CDC14A: variants seen among roughly 807,000 people sequenced by gnomAD.
CDC14A encodes cell division cycle 14A, also known as dual specificity protein phosphatase CDC14A.
Under a neutral mutation model 74.4 loss-of-function variants are expected in CDC14A, and 53 were observed. The observed-to-expected ratio is 0.71, with a 90% confidence interval of 0.57 to 0.89. CDC14A has a LOEUF of 0.89. Among genes scored for constraint, CDC14A ranks in the 40% least tolerant of loss-of-function variants. The pLI, the probability that CDC14A is intolerant of heterozygous loss-of-function variation, is 0.00. For synonymous variants in CDC14A, 247 were observed against 258.4 expected, an observed-to-expected ratio of 0.96 and a Z score of 0.43; for missense variants, 646 against 713.7, an observed-to-expected ratio of 0.91 and a Z score of 1.08.
At chr1:100,451,247 C>T (rs1666116199) in intron 7 of CDC14A, among the ~76,000 whole-genome samples, 1 of 152,174 alleles carries the variant, frequency 6.6e-6, no homozygotes, top group South Asian at 2.1e-4. Context: ...TTTTTGCACC[C>T]TGCTGTTGTA....
intron 5 of CDC14A, among the ~76,000 whole-genome samples, chr1:100,437,771 T>C (rs1664504173): frequency 6.6e-6 from 1 of 152,104 alleles, no homozygotes; most frequent in Non-Finnish European, 1.5e-5. Flanking sequence ...GGCCTGGAAC[T>C]TTTTCTGGTA....
chr1:100,409,824 A>G (rs1325262594), intron 4 of CDC14A, among the ~76,000 whole-genome samples: 1 of 152,200 alleles, frequency 6.6e-6, no homozygotes, highest in Non-Finnish European at 1.5e-5. Flanking sequence ...TAACTCTCCT[A>G]ATAGTTATCA....
chr1:100,393,558 A>G (rs1314582702), intron 4 of CDC14A: 4 of 741,872 alleles, frequency 5.4e-6, no homozygotes, highest in African/African-American at 5.1e-5. Flanking sequence ...CAGGTATCTC[A>G]GGTAGTTCAT....
upstream of CDC14A, among the ~76,000 whole-genome samples, chr1:100,347,490 A>T (rs1650525149): frequency 6.6e-6 from 1 of 152,130 alleles, no homozygotes; most frequent in African/African-American, 2.4e-5. Context: ...GGCATTGGTG[A>T]TTTGTCTGAT....
At chr1:100,513,741 T>C (rs984138470) in intron 15 of CDC14A, among the ~76,000 whole-genome samples, 2 of 152,144 alleles carry the variant, frequency 1.3e-5, no homozygotes, top group African/African-American at 2.4e-5. Flanking sequence ...ACCTCCAGAA[T>C]AGCTAAAATT....
At chr1:100,364,138 T>A (rs1010329901) in intron 2 of CDC14A, among the ~76,000 whole-genome samples, 30 of 152,080 alleles carry the variant, frequency 2.0e-4, no homozygotes, top group Admixed American at 6.6e-4. Flanking sequence ...AAAAAAAAAA[T>A]TTATTGATCA....
At chr1:100,460,565 C>T (rs923221346) in intron 8 of CDC14A, among the ~76,000 whole-genome samples, 1 of 152,170 alleles carries the variant, frequency 6.6e-6, no homozygotes, top group Admixed American at 6.5e-5. Flanking sequence ...ATAGAAAAAC[C>T]GTTACTTCTT....
At chr1:100,369,138 G>T (rs6687020) in intron 2 of CDC14A, among the ~76,000 whole-genome samples, 13,323 of 150,598 alleles carry the variant, frequency 0.088, 2,057 homozygotes, top group African/African-American at 0.31. Flanking sequence ...GTGCAGTGGC[G>T]CAATCTCGGC....
chr1:100,487,560 A>AAAAACAAAAC lies in CDC14A; in HGVS notation c.1137+3111_1137+3120dup, dbSNP rs1486571759. 7.6e-3 allele frequency among the ~76,000 whole-genome samples: 346 copies of AAAAACAAAAC among 45,712 alleles called. 3 individuals carry two copies. The highest frequency in any genetic ancestry group is 0.012 in the African/African-American group (308 of 26,446). 30.0% of individuals were successfully genotyped at this position (45,712 alleles called of 152,430 possible). On this transcript the variant is annotated intron_variant, in intron 11 of 15. Coordinates refer to ENST00000336454, the MANE Select transcript of CDC14A (RefSeq NM_003672.4). ...GGGCAACAGAGTGAGACTCGGTCTC[A>AAAAACAAAAC]AAAACAAAACAGAACAAAACAAAAC...
chr1:100,379,744 T>G (rs1168450596), intron 3 of CDC14A, among the ~76,000 whole-genome samples: 2 of 152,196 alleles, frequency 1.3e-5, no homozygotes, highest in Admixed American at 1.3e-4. Flanking sequence ...AGGCTGTACA[T>G]GAATCGTGGC....
intron 2 of CDC14A, among the ~76,000 whole-genome samples, chr1:100,365,004 C>T (rs1185005431): frequency 6.6e-6 from 1 of 152,198 alleles, no homozygotes; most frequent in Non-Finnish European, 1.5e-5. Context: ...GAGAATGGTT[C>T]CTCACCCTCT....
chr1:100,412,848 A>C (rs2101047419), intron 4 of CDC14A, among the ~76,000 whole-genome samples: 1 of 144,040 alleles, frequency 6.9e-6, no homozygotes, highest in Non-Finnish European at 1.5e-5. Context: ...TAATTGTTTC[A>C]GTTCTGCTGT....
rs192707073 is a variant in CDC14A, at chr1:100,369,254, A to G, written c.141-8292A>G. 1.5e-4 allele frequency among the ~76,000 whole-genome samples: 23 copies of G among 152,144 alleles called. No homozygotes were observed. The East Asian group carries it at 4.3e-3, about 28-fold the overall frequency. ...CTCCAAGGTAGCTGTGACTACAGGC[A>G]TGTGCCACCACGCCCAGCTAATTTT... On this transcript the variant is annotated intron_variant, in intron 2 of 15. Coordinates refer to ENST00000336454, the MANE Select transcript of CDC14A (RefSeq NM_003672.4).
chr1:100,374,988 G>A (rs1655034298), intron 2 of CDC14A, among the ~76,000 whole-genome samples: 1 of 152,194 alleles, frequency 6.6e-6, no homozygotes. Context: ...TGATTAAGTA[G>A]AATCAATACT....
chr1:100,363,894 G>A (rs1424639998), intron 2 of CDC14A, among the ~76,000 whole-genome samples: 4 of 152,118 alleles, frequency 2.6e-5, no homozygotes, highest in Non-Finnish European at 4.4e-5. Flanking sequence ...AGTGGCTCAC[G>A]CTTCTAATTC....
At chr1:100,351,832 A>G (rs1441422933), upstream of CDC14A, 2 of 1,526,934 alleles carry the variant, frequency 1.3e-6, no homozygotes, top group Non-Finnish European at 1.8e-6. Context: ...AAACCAATAC[A>G]TGTACTGTGA....
At chr1:100,515,229 G>A (rs1312508686) in intron 15 of CDC14A, among the ~76,000 whole-genome samples, 1 of 152,082 alleles carries the variant, frequency 6.6e-6, no homozygotes, top group African/African-American at 2.4e-5. Context: ...AACCCCGTAG[G>A]ATAACCATGT....
At chr1:100,396,113 C>T (rs10437034) in intron 4 of CDC14A, among the ~76,000 whole-genome samples, 1,562 of 152,284 alleles carry the variant, frequency 0.01, 28 homozygotes, top group African/African-American at 0.036. Context: ...CTGTTTTGTT[C>T]GTCGCTGTGT....
At chr1:100,476,113 C>T (rs1327509558) in intron 10 of CDC14A, among the ~76,000 whole-genome samples, 1 of 152,114 alleles carries the variant, frequency 6.6e-6, no homozygotes, top group African/African-American at 2.4e-5. Flanking sequence ...TACCCTTTTC[C>T]TGTTCCTTTG....
Sources: allele counts gnomAD v4.1 joint callset (sites outside exome capture counted in the v4.1 genomes callset), GRCh38; gene constraint gnomAD v4.1.1; transcripts MANE v1.5; gene names NCBI Gene and HGNC (gene_info 2026-07-23, HGNC 2026-07-21).